CEP70: variants seen among roughly 807,000 people sequenced by gnomAD.
CEP70 encodes centrosomal protein of 70 kDa.
In CEP70, 70 loss-of-function variants were observed where a neutral mutation model predicts 90.9. The observed-to-expected ratio is 0.77, with a 90% confidence interval of 0.64 to 0.94. The LOEUF (loss-of-function observed/expected upper bound fraction) is 0.94, where lower values mean the gene tolerates loss of function less well. Ranked by LOEUF, CEP70 falls within the 40% of genes least tolerant of loss-of-function variation. CEP70 has a pLI of 0.00. For missense variants in CEP70, 648 were observed against 669.0 expected, an observed-to-expected ratio of 0.97 and a Z score of 0.35; for synonymous variants, 220 against 228.3, an observed-to-expected ratio of 0.96 and a Z score of 0.33.
intron 16 of CEP70, 90 bp downstream of exon 16, chr3:138,500,020 C>T (rs1332866931): frequency 1.1e-5 from 9 of 855,676 alleles, no homozygotes; most frequent in Admixed American, 1.7e-5. Context: ...GATCCTCCCA[C>T]ATCAGCCTCC....
At chr3:138,507,564 G>T (rs913764741) in intron 12 of CEP70, among the ~76,000 whole-genome samples, 2 of 152,032 alleles carry the variant, frequency 1.3e-5, no homozygotes, top group Admixed American at 6.6e-5. Flanking sequence ...ACAGACTAGA[G>T]AATCTAAAAA....
intron 6 of CEP70, among the ~76,000 whole-genome samples, chr3:138,563,522 T>C (rs1462787925): frequency 2.0e-5 from 3 of 152,112 alleles, no homozygotes; most frequent in Non-Finnish European, 4.4e-5. Context: ...GCAATCAACT[T>C]AGAACTAAGG....
At chr3:138,528,302 C>T (rs1389952553) in intron 10 of CEP70, among the ~76,000 whole-genome samples, 2 of 152,162 alleles carry the variant, frequency 1.3e-5, no homozygotes, top group Non-Finnish European at 2.9e-5. Flanking sequence ...CCTCAGCCTC[C>T]TGAAGTGCTG....
chr3:138,568,507 C>A (rs1384259307), intron 6 of CEP70, among the ~76,000 whole-genome samples: 1 of 152,220 alleles, frequency 6.6e-6, no homozygotes, highest in East Asian at 1.9e-4. Context: ...ACCTTTACAG[C>A]TTCTGATGGC....
intron 12 of CEP70, among the ~76,000 whole-genome samples, chr3:138,508,106 G>T (rs2035160041): frequency 6.6e-6 from 1 of 152,060 alleles, no homozygotes; most frequent in African/African-American, 2.4e-5. Flanking sequence ...TAAGAAAATA[G>T]ATTTACTTAA....
chr3:138,500,208 CA>C lies in CEP70; in HGVS notation c.1553del (p.Leu518CysfsTer4). ...TTCCAACAGTGCTTACTAGCACACA[CA>C]ATGAGGATGAACTATCTGCAAAAGA... ...ELLELDSSSS[L>X]CVLVSTVGKL... On this transcript the variant is annotated frameshift_variant, in exon 16 of 18. Transcript: ENST00000264982. LOFTEE classifies it high-confidence loss of function. The C allele has an allele frequency of 1.2e-6, 2 of 1,611,254 alleles. No individual in the cohort carries two copies. The highest frequency in any genetic ancestry group is 1.7e-6 in the Non-Finnish European group (2 of 1,177,462).
chr3:138,559,704 A>G (rs1164271301), intron 6 of CEP70, among the ~76,000 whole-genome samples: 3 of 152,220 alleles, frequency 2.0e-5, no homozygotes, highest in African/African-American at 7.2e-5. Context: ...TAGCCTGGGC[A>G]ACAGAGCAAG....
At chr3:138,576,418 C>T (rs556408746) in intron 2 of CEP70, among the ~76,000 whole-genome samples, 60 of 152,182 alleles carry the variant, frequency 3.9e-4, no homozygotes, top group Admixed American at 9.8e-4. Context: ...TAAATATACA[C>T]GCACCCAATA....
intron 1 of CEP70, chr3:138,593,902 C>CA (rs1233804893): frequency 6.6e-6 from 1 of 152,222 alleles, no homozygotes; most frequent in African/African-American, 2.4e-5. Context: ...TTAACCCTCA[C>CA]AACCACCTTG....
chr3:138,592,073 A>AATGATAC, intron 1 of CEP70, 117 bp from the exon 2 acceptor site: 1 of 517,584 alleles, frequency 1.9e-6, no homozygotes, highest in Non-Finnish European at 3.4e-6. Flanking sequence ...CAGATAAAGC[A>AATGATAC]GGCACAACTG....
intron 10 of CEP70, among the ~76,000 whole-genome samples, chr3:138,527,961 T>C (rs1445354998): frequency 1.3e-5 from 2 of 150,094 alleles, no homozygotes; most frequent in Admixed American, 1.3e-4. Context: ...ACCTTACATA[T>C]ATGCAGTGTA....
chr3:138,568,932 TCA>T (rs1156763679), intron 6 of CEP70, among the ~76,000 whole-genome samples: 2 of 150,252 alleles, frequency 1.3e-5, no homozygotes, highest in Non-Finnish European at 3.0e-5. Context: ...TGAGCCTAGA[TCA>T]CACCACTGCA....
chr3:138,540,710 G>C (rs2038688623), intron 6 of CEP70, among the ~76,000 whole-genome samples: 1 of 152,120 alleles, frequency 6.6e-6, no homozygotes, highest in African/African-American at 2.4e-5. Flanking sequence ...GCTAAAAGCA[G>C]AACTACCATT....
chr3:138,524,811 T>C lies in CEP70; in HGVS notation c.944+679A>G, dbSNP rs538178997. Among the ~76,000 whole-genome samples, 65 of 152,326 alleles carry C rather than the reference T, an allele frequency of 4.3e-4. No homozygotes were observed. In the East Asian group the frequency reaches 0.012, roughly 28 times the overall value. On this transcript the variant is annotated intron_variant, in intron 11 of 17. Transcript: ENST00000264982. Reference sequence around the variant, plus strand: ...AGAAATAGGAACACTTTTACACTGTTGGTGGAACTGTAAACTAGTTCAACC... The same window carrying C: ...AGAAATAGGAACACTTTTACACTGTCGGTGGAACTGTAAACTAGTTCAACC...
intron 6 of CEP70, among the ~76,000 whole-genome samples, chr3:138,540,480 TAA>T (rs35741273): frequency 0.52 from 64,642 of 123,168 alleles, 15,056 homozygotes; most frequent in African/African-American, 0.6. Flanking sequence ...CAAGACTATG[TAA>T]AAAAAAAAAA....
At chr3:138,563,013 C>T (rs2040518327) in intron 6 of CEP70, among the ~76,000 whole-genome samples, 1 of 151,618 alleles carries the variant, frequency 6.6e-6, no homozygotes. Context: ...GGAATATTTA[C>T]CAAGTAAATG....
At chr3:138,548,706 A>T (rs1236769895) in intron 6 of CEP70, among the ~76,000 whole-genome samples, 2 of 152,240 alleles carry the variant, frequency 1.3e-5, no homozygotes, top group Non-Finnish European at 2.9e-5. Context: ...AGGAGGCAGG[A>T]CTAGATTGCA....
At chr3:138,521,061 C>T (rs933533093) in intron 11 of CEP70, among the ~76,000 whole-genome samples, 12 of 152,194 alleles carry the variant, frequency 7.9e-5, no homozygotes, top group African/African-American at 2.4e-4. Flanking sequence ...CTGCCTGCCT[C>T]GGCCTCCCGA....
At chr3:138,559,655 G>A (rs1201145387) in intron 6 of CEP70, among the ~76,000 whole-genome samples, 3 of 152,196 alleles carry the variant, frequency 2.0e-5, no homozygotes, top group African/African-American at 7.2e-5. Context: ...ATCCCAGGAG[G>A]CGGAGGGTGC....
Sources: gnomAD v4.1 joint callset for allele counts (sites outside exome capture counted in the v4.1 genomes callset) on GRCh38, gnomAD v4.1.1 for gene constraint, MANE v1.5 for transcripts, NCBI Gene and HGNC (gene_info 2026-07-23, HGNC 2026-07-21) for gene names.